Variants in LGMN observed in about 807,000 individuals in gnomAD.
LGMN encodes asparaginyl endopeptidase.
Under a neutral mutation model 56.8 loss-of-function variants are expected in LGMN, and 36 were observed. The observed-to-expected ratio is 0.63, with a 90% CI of 0.49 to 0.84. The LOEUF (loss-of-function observed/expected upper bound fraction) is 0.84. Ranked by LOEUF, LGMN falls within the 40% of genes least tolerant of loss-of-function variation. LGMN has a pLI of 0.00. For synonymous variants in LGMN, 199 were observed against 210.1 expected (o/e 0.95, Z 0.46); for missense variants, 446 against 556.1 (o/e 0.80, Z 1.99).
intron 1 of LGMN, among the ~76,000 whole-genome samples, chr14:92,747,826 A>G (rs930964457): frequency 4.6e-5 from 7 of 152,082 alleles, no homozygotes; most frequent in African/African-American, 1.7e-4. Context: ...ACGCGACACA[A>G]AGTTTCTTCT....
At chr14:92,737,019 C>T (rs1014526498) in intron 1 of LGMN, among the ~76,000 whole-genome samples, 1 of 152,144 alleles carries the variant, frequency 6.6e-6, no homozygotes, top group Non-Finnish European at 1.5e-5. Flanking sequence ...CTCACCTACT[C>T]GGAGCTCACC....
intron 11 of LGMN, among the ~76,000 whole-genome samples, chr14:92,707,779 A>G (rs1275101017): frequency 2.0e-5 from 3 of 152,246 alleles, no homozygotes; most frequent in Non-Finnish European, 2.9e-5. Flanking sequence ...ATAGTTAAAC[A>G]GTCTTGGAAA....
At chr14:92,704,414 G>T in intron 13 of LGMN, 53 bp from the exon 14 acceptor site, 2 of 1,423,822 alleles carry the variant, frequency 1.4e-6, no homozygotes, top group Admixed American at 1.8e-5. Context: ...CTGAAGAAAG[G>T]CAGACAAACG....
At chr14:92,723,053 T>TA (rs1890560773) in intron 2 of LGMN, among the ~76,000 whole-genome samples, 2 of 152,066 alleles carry the variant, frequency 1.3e-5, no homozygotes, top group Admixed American at 1.3e-4. Flanking sequence ...GTCTAAATTT[T>TA]TTTTTTTTTT....
Position 92,704,179 on chromosome 14 carries a change from G to A in LGMN, c.*140C>T. On this transcript the variant is annotated 3_prime_UTR_variant, in exon 14 of 14. Transcript: ENST00000334869. ...AGCGAGCAAGTCATCTTGTGAAGAA[G>A]GTCCTGGAGCGAGCCCTGGAGCGGG... 1 of 994,316 alleles carries A rather than the reference G, an allele frequency of 1.0e-6. No homozygotes were observed. Among genetic ancestry groups the A allele is most frequent in the East Asian group, 2.4e-5 (1 of 41,300 alleles). The allele number at this position is 994,316 out of a possible 1,614,324, so 61.6% of individuals were successfully genotyped here.
intron 1 of LGMN, among the ~76,000 whole-genome samples, chr14:92,747,592 T>C (rs904012636): frequency 6.6e-6 from 1 of 152,232 alleles, no homozygotes; most frequent in Non-Finnish European, 1.5e-5. Flanking sequence ...GGTTAGATGC[T>C]GCCCCTGTAC....
rs1443971956 is a variant in LGMN at position 92,732,622 on chromosome 14, C to T, written c.138+27G>A. 4 of 1,608,602 alleles carry T rather than the reference C, an allele frequency of 2.5e-6. No individual in the cohort carries two copies. In the Admixed American group the frequency reaches 5.1e-5, roughly 20 times the overall value. The stretch of plus-strand genomic sequence containing the variant: ...GTTTTCAGAATGCCAGTGTCCTTAA[C>T]AAAAAAAAGATTAGTCATTTTCTTA... On this transcript the variant is annotated intron_variant, in intron 2 of 13. Transcript: ENST00000334869.
At chr14:92,717,333 TA>T in intron 4 of LGMN, 46 bp downstream of exon 4, 1 of 1,192,472 alleles carries the variant, frequency 8.4e-7, no homozygotes, top group Non-Finnish European at 1.2e-6. Context: ...AAATCATCAC[TA>T]AAATGAAAAC....
At chr14:92,737,945 T>C (rs1891378487) in intron 1 of LGMN, among the ~76,000 whole-genome samples, 1 of 152,210 alleles carries the variant, frequency 6.6e-6, no homozygotes. Flanking sequence ...TTATCAGCAA[T>C]AAATGGGTTC....
At chr14:92,723,984 G>A (rs560015788) in intron 2 of LGMN, among the ~76,000 whole-genome samples, 9 of 152,270 alleles carry the variant, frequency 5.9e-5, no homozygotes, top group Middle Eastern at 3.4e-3. Context: ...CATCCGCCTT[G>A]GCTTCCCAAA....
At position 92,713,838 on chromosome 14, in the gene LGMN, G is replaced by T. The variant is rs755429590; in HGVS notation, c.528C>A (p.His176Gln). The change falls in exon 7 of 14, where the codon CAC (histidine) becomes CAA (glutamine). Residue 176 changes from histidine (H) to glutamine (Q), a missense_variant. Physicochemically the swap from His to Gln is conservative, Grantham distance 24. Coordinates refer to ENST00000334869, the MANE Select transcript of LGMN (RefSeq NM_005606.7). ...GCTGAATTACCTTTCGGTACATTTT[G>T]TGTTTGTACATGTAATGGATGGTCT... The part of the protein sequence containing the change: ...LNETIHYMYK[H>Q]KMYRKMVFYI... 6.2e-7 allele frequency: 1 copy of T among 1,613,114 alleles called. No homozygotes were observed. Among genetic ancestry groups the T allele is most frequent in the African/African-American group, 1.3e-5 (1 of 75,010 alleles).
intron 2 of LGMN, among the ~76,000 whole-genome samples, chr14:92,719,263 ACCGCCGCCGCCGCCACCGCCGCCGCCG>A (rs1310544331): frequency 1.5e-5 from 1 of 65,118 alleles, no homozygotes; most frequent in South Asian, 6.9e-4. Flanking sequence ...CACCACCGCC[ACCGCCGCCGCCGCCACCGCCGCCGCCG>A]CCGCCGCCGC....
chr14:92,737,035 G>T (rs1752790917), intron 1 of LGMN, among the ~76,000 whole-genome samples: 1 of 152,124 alleles, frequency 6.6e-6, no homozygotes, highest in African/African-American at 2.4e-5. Context: ...TCACCCAGCA[G>T]CCTCCCTGGA....
chr14:92,721,972 C>A (rs1274067454), intron 2 of LGMN, among the ~76,000 whole-genome samples: 1 of 152,090 alleles, frequency 6.6e-6, no homozygotes, highest in African/African-American at 2.4e-5. Context: ...AAAAAAAGAA[C>A]AAGTCATAGA....
At chr14:92,737,576 T>C (rs940614481) in intron 1 of LGMN, among the ~76,000 whole-genome samples, 3 of 152,232 alleles carry the variant, frequency 2.0e-5, no homozygotes, top group Admixed American at 2.0e-4. Context: ...CCCACCTTGC[T>C]TGCTTCCTCC....
Position 92,717,394 on chromosome 14 carries a change from C to T in LGMN, c.304G>A (p.Asp102Asn). The T allele has an allele frequency of 5.6e-6, 9 of 1,610,680 alleles. No homozygotes were observed. The highest frequency in any genetic ancestry group is 7.6e-6 in the Non-Finnish European group (9 of 1,177,200). The part of the protein sequence containing the change: ...GTDVYQGVPK[D>N]YTGEDVTPQN... Reference sequence around the variant, plus strand: ...AAGCCACTCACCTCTCCAGTGTAGTCCTTCGGGACTCCCTGATAGACATCT... The same window carrying T: ...AAGCCACTCACCTCTCCAGTGTAGTTCTTCGGGACTCCCTGATAGACATCT... Residue 102 changes from aspartate to asparagine, a missense_variant, in exon 4 of 14, where the codon GAC becomes AAC. Coordinates refer to ENST00000334869, the MANE Select transcript of LGMN (RefSeq NM_005606.7).
intron 11 of LGMN, among the ~76,000 whole-genome samples, chr14:92,708,151 CAA>C (rs5810610): frequency 1.4e-3 from 191 of 133,978 alleles, no homozygotes; most frequent in Middle Eastern, 3.8e-3. Context: ...AACTCCATCT[CAA>C]AAAAAAAAAA....
rs923137801 is a variant in LGMN, at chr14:92,716,077, T to A, written c.404+59A>T. On this transcript the variant is annotated intron_variant, in intron 5 of 13. Coordinates refer to ENST00000334869, the MANE Select transcript of LGMN (RefSeq NM_005606.7). ...GGCACAGAACAACACCTGTTTCAAT[T>A]CTCTATACGGGGGTCCCAAGCCATT... 25 of 1,141,268 alleles carry A rather than the reference T, an allele frequency of 2.2e-5. No homozygotes were observed. The Admixed American group carries it at 3.6e-4, about 17-fold the overall frequency. The allele number at this position is 1,141,268 out of a possible 1,614,324, so 70.7% of individuals were successfully genotyped here.
At chr14:92,745,817 G>T (rs1233468436) in intron 1 of LGMN, among the ~76,000 whole-genome samples, 1 of 150,974 alleles carries the variant, frequency 6.6e-6, no homozygotes, top group African/African-American at 2.5e-5. Context: ...TAGTGAAGGA[G>T]AATCTCATTT....
Sources: gnomAD v4.1 joint callset for allele counts (sites outside exome capture counted in the v4.1 genomes callset) on GRCh38, gnomAD v4.1.1 for gene constraint, MANE v1.5 for transcripts, NCBI Gene and HGNC (gene_info 2026-07-23, HGNC 2026-07-21) for gene names.